The following P2RX7 variants were observed in gnomAD, a reference collection of about 807,000 sequenced individuals.
P2RX7 encodes the protein purinergic receptor P2X 7.
A neutral mutation model predicts 71.6 loss-of-function variants in P2RX7; 62 were observed. That is an observed-to-expected ratio of 0.87 (90% CI 0.71 to 1.07). P2RX7 has a LOEUF of 1.07. Among genes scored for constraint, P2RX7 ranks in the 50% least tolerant of loss-of-function variants. P2RX7 has a pLI of 0.00. For missense variants in P2RX7, 686 were observed against 748.5 expected, an observed-to-expected ratio of 0.92 and a Z score of 0.97; for synonymous variants, 299 against 283.3, an observed-to-expected ratio of 1.06 and a Z score of -0.56.
rs1444206312 is a variant in P2RX7 at position 121,185,990 on chromosome 12, G to C, written c.*1188G>C. 1.3e-5 allele frequency: 2 copies of C among 151,110 alleles called. No individual in the cohort carries two copies. The highest frequency in any genetic ancestry group is 2.9e-5 in the Non-Finnish European group (2 of 68,034). The allele number at this position is 151,110 out of a possible 1,614,324, so 9.4% of individuals were successfully genotyped here. Reference sequence around the variant, plus strand: ...AAACACTTGAACCTGGGAGGTGGAGGTTGCATTGAGCTGAGATCGTGCCAC... The same window carrying C: ...AAACACTTGAACCTGGGAGGTGGAGCTTGCATTGAGCTGAGATCGTGCCAC... On this transcript the variant is annotated 3_prime_UTR_variant, in exon 13 of 13. Transcript: ENST00000328963.
intron 8 of P2RX7, among the ~76,000 whole-genome samples, chr12:121,174,043 CT>C (rs1555228910): frequency 8.2e-6 from 1 of 121,266 alleles, no homozygotes; most frequent in Non-Finnish European, 1.7e-5. Flanking sequence ...TTTTTCTTTT[CT>C]TTTCTTTTTT....
Position 121,136,024 on chromosome 12 carries a change from A to ATATATATATG in P2RX7, c.125+2938_125+2939insGTATATATAT, listed in dbSNP as rs1555222077. On this transcript the variant is annotated intron_variant, in intron 1 of 12. Coordinates refer to ENST00000328963, the MANE Select transcript of P2RX7 (RefSeq NM_002562.6). Reference sequence around the variant, plus strand: ...GTCTCAAAAAAAAAAAAAAAAAAAAATATATATATATATATATAGTATTTT... The same window carrying ATATATATATG: ...GTCTCAAAAAAAAAAAAAAAAAAAAATATATATATGTATATATATATATATATAGTATTTT... Among the ~76,000 whole-genome samples the ATATATATATG allele has an allele frequency of 3.4e-4, 4 of 11,670 alleles. No individual in the cohort carries two copies. The South Asian group carries it at 0.019, about 56-fold the overall frequency. The allele number at this position is 11,670 out of a possible 152,430, so 7.7% of individuals were successfully genotyped here.
rs367838751 is a variant in P2RX7 at position 121,184,437 on chromosome 12, G to C, written c.1423G>C (p.Val475Leu). The change falls in exon 13 of 13, where the codon GTC (valine) becomes CTC (leucine). Residue 475 changes from valine to leucine, a missense_variant. Physicochemically the swap from Val to Leu is conservative, Grantham distance 32 (BLOSUM62 1). Transcript: ENST00000328963. ...EATPRSRDSP[V>L]WCQCGSCLPS... is the part of the protein sequence containing the mutation. ...GACTCCTAGATCCAGGGATAGCCCCGTCTGGTGCCAGTGTGGAAGCTGCCT... is the reference window on the plus strand; with the variant it reads ...GACTCCTAGATCCAGGGATAGCCCCCTCTGGTGCCAGTGTGGAAGCTGCCT... 4.3e-6 allele frequency: 7 copies of C among 1,614,044 alleles called. No individual in the cohort carries two copies. Among genetic ancestry groups the C allele is most frequent in the African/African-American group, 1.3e-5 (1 of 74,932 alleles).
At position 121,177,430 on chromosome 12, in the gene P2RX7, T is replaced by C. The variant is rs768925690; in HGVS notation, c.1172T>C (p.Ile391Thr). 40 of 1,613,254 alleles carry C rather than the reference T, an allele frequency of 2.5e-5. No individual in the cohort carries two copies. Among genetic ancestry groups the C allele is most frequent in the Non-Finnish European group, 3.1e-5 (37 of 1,180,028 alleles). Residue 391 changes from isoleucine to threonine, a missense_variant, in exon 11 of 13, where the codon ATT (isoleucine) becomes ACT (threonine). By Grantham distance (89) the Ile-to-Thr change is moderately conservative. Transcript: ENST00000328963. Reference sequence around the variant, plus strand: ...TACTACAGGAAGAAGTGCGAGTCCATTGTGGAGCCAAAGCCGGTGAGGCCG... The same window carrying C: ...TACTACAGGAAGAAGTGCGAGTCCACTGTGGAGCCAAAGCCGGTGAGGCCG... ...EYYYRKKCESIVEPKPTLKYV... is the reference protein window; with the variant it reads ...EYYYRKKCESTVEPKPTLKYV...
chr12:121,133,467 G>A (rs1414869022), intron 1 of P2RX7, among the ~76,000 whole-genome samples: 1 of 152,226 alleles, frequency 6.6e-6, no homozygotes, highest in Admixed American at 6.5e-5. Context: ...CCATGCTTGG[G>A]AGGAATAGGA....
intron 3 of P2RX7, among the ~76,000 whole-genome samples, chr12:121,156,867 T>C (rs1161196735): frequency 3.9e-5 from 6 of 152,198 alleles, no homozygotes; most frequent in Admixed American, 3.9e-4. Flanking sequence ...ATTTGTTTTA[T>C]TCTGGGCTAG....
Position 121,154,639 on chromosome 12 carries a change from T to C in P2RX7, c.126-146T>C. 2 of 680,978 alleles carry C rather than the reference T, an allele frequency of 2.9e-6. No individual in the cohort carries two copies. Among genetic ancestry groups the C allele is most frequent in the Non-Finnish European group, 5.3e-6 (2 of 375,906 alleles). 42.2% of individuals were successfully genotyped at this position (680,978 alleles called of 1,614,324 possible). ...AGGCAGGTATGACTATTCTTCCCAT[T>C]ATCCAGAGAGGGAAAACAAGTCACA... On this transcript the variant is annotated intron_variant, in intron 1 of 12. Coordinates refer to ENST00000328963, the MANE Select transcript of P2RX7 (RefSeq NM_002562.6). The surrounding 1 kb of genome is among the most constrained non-coding windows in gnomAD (Gnocchi z 4.2).
chr12:121,142,280 C>A (rs2135993485), intron 1 of P2RX7, among the ~76,000 whole-genome samples: 1 of 152,268 alleles, frequency 6.6e-6, no homozygotes, highest in Non-Finnish European at 1.5e-5. Context: ...TTGTTGTTGG[C>A]AAAATTCAAT....
chr12:121,144,983 A>G (rs1323856464), intron 1 of P2RX7, among the ~76,000 whole-genome samples: 5 of 152,160 alleles, frequency 3.3e-5, no homozygotes, highest in East Asian at 1.9e-4. Flanking sequence ...TGAGGTGTCT[A>G]TGGAATGTAC....
intron 1 of P2RX7, among the ~76,000 whole-genome samples, chr12:121,151,480 G>A (rs1380376808): frequency 1.3e-5 from 2 of 151,922 alleles, no homozygotes; most frequent in African/African-American, 4.8e-5. Context: ...CACCTGCCTC[G>A]GCCTCCCAAA....
chr12:121,135,675 A>G (rs1434824685), intron 1 of P2RX7, among the ~76,000 whole-genome samples: 1 of 151,932 alleles, frequency 6.6e-6, no homozygotes, highest in African/African-American at 2.4e-5. Flanking sequence ...TATTCGATTC[A>G]TATGTTTACT....
At chr12:121,178,163 G>A (rs1382106290) in intron 11 of P2RX7, among the ~76,000 whole-genome samples, 1 of 152,132 alleles carries the variant, frequency 6.6e-6, no homozygotes, top group Non-Finnish European at 1.5e-5. Context: ...ACCTGCCCTA[G>A]AGAAACACTC....
rs769080313 is a variant in P2RX7 at position 121,155,271 on chromosome 12, T to C, written c.294+318T>C. The C allele has an allele frequency of 1.1e-5, 15 of 1,337,694 alleles. No homozygotes were observed. The South Asian group carries it at 1.7e-4, about 15-fold the overall frequency. 82.9% of individuals were successfully genotyped at this position (1,337,694 alleles called of 1,614,324 possible). A position where few individuals can be genotyped will look rare whatever the true frequency, so the allele number is the denominator to read the frequency against. On this transcript the variant is annotated intron_variant, in intron 2 of 12. Transcript: ENST00000328963. Reference sequence around the variant, plus strand: ...GCACAGCCACCAAGCCAGCAAGGTCTGCCGAGATTCAGAAGGACAGAGAAC... The same window carrying C: ...GCACAGCCACCAAGCCAGCAAGGTCCGCCGAGATTCAGAAGGACAGAGAAC...
At chr12:121,145,616 C>T (rs1876004197) in intron 1 of P2RX7, among the ~76,000 whole-genome samples, 1 of 151,882 alleles carries the variant, frequency 6.6e-6, no homozygotes, top group African/African-American at 2.4e-5. Flanking sequence ...AAGTGATTCT[C>T]CTGCCTCAGC....
At chr12:121,162,601 C>G in intron 5 of P2RX7, 81 bp downstream of exon 5, 7 of 1,524,472 alleles carry the variant, frequency 4.6e-6, no homozygotes, top group Non-Finnish European at 6.2e-6. Flanking sequence ...GGGCCTTCCC[C>G]TCTCAGCACA....
chr12:121,145,592 T>C (rs1482929760), intron 1 of P2RX7, among the ~76,000 whole-genome samples: 2 of 151,820 alleles, frequency 1.3e-5, no homozygotes, highest in African/African-American at 4.8e-5. Context: ...CCACAACCTC[T>C]GCCTCCTGGG....
chr12:121,144,229 G>A (rs1011537126), intron 1 of P2RX7, among the ~76,000 whole-genome samples: 1 of 152,124 alleles, frequency 6.6e-6, no homozygotes, highest in Non-Finnish European at 1.5e-5. Flanking sequence ...TTAGAGTCTC[G>A]CTCTGTCGCC....
At chr12:121,135,717 G>A (rs908324496) in intron 1 of P2RX7, among the ~76,000 whole-genome samples, 7 of 151,650 alleles carry the variant, frequency 4.6e-5, no homozygotes, top group Admixed American at 4.6e-4. Flanking sequence ...AAACATATAT[G>A]CTGGGTCCGG....
chr12:121,136,505 G>A (rs375243974), intron 1 of P2RX7, among the ~76,000 whole-genome samples: 10 of 151,750 alleles, frequency 6.6e-5, no homozygotes, highest in African/African-American at 2.4e-4. Flanking sequence ...TTTTTTTGTG[G>A]AGATGGGGGT....
Sources: gnomAD v4.1 joint callset for allele counts (sites outside exome capture counted in the v4.1 genomes callset) on GRCh38, gnomAD v4.1.1 for gene constraint, Gnocchi (gnomAD v3.1) non-coding constraint, MANE v1.5 for transcripts, NCBI Gene and HGNC (gene_info 2026-07-23, HGNC 2026-07-21) for gene names.